EXTL2: variants seen among roughly 807,000 people sequenced by gnomAD.
EXTL2 encodes exostosin like glycosyltransferase 2, also known as exostosin-like 2.
Under a neutral mutation model 30.7 loss-of-function variants are expected in EXTL2, and 23 were observed. The observed-to-expected ratio is 0.75, with a 90% CI of 0.54 to 1.06. EXTL2 has a LOEUF of 1.06. Ranked by LOEUF, EXTL2 falls within the 50% of genes least tolerant of loss-of-function variation. The pLI, the probability that EXTL2 is intolerant of heterozygous loss-of-function variation, is 0.00. For missense variants in EXTL2, 352 were observed against 396.3 expected (o/e 0.89, Z 0.95); for synonymous variants, 123 against 133.8 (o/e 0.92, Z 0.56).
intron 2 of EXTL2, chr1:100,881,142 A>T (rs1649521540): frequency 1.6e-6 from 1 of 625,994 alleles, no homozygotes; most frequent in East Asian, 1.4e-4. Context: ...AAATAATGCA[A>T]CCCAATAAAA....
At chr1:100,894,251 C>T (rs1312149178) in intron 1 of EXTL2, among the ~76,000 whole-genome samples, 1 of 151,982 alleles carries the variant, frequency 6.6e-6, no homozygotes, top group Non-Finnish European at 1.5e-5. Flanking sequence ...ATCTAGTTTG[C>T]ACCCAATTAA....
At chr1:100,884,153 G>C (rs1423329425) in intron 2 of EXTL2, among the ~76,000 whole-genome samples, 1 of 152,160 alleles carries the variant, frequency 6.6e-6, no homozygotes, top group Non-Finnish European at 1.5e-5. Context: ...TGACTCATAA[G>C]GTAGAAAAGC....
Position 100,874,731 on chromosome 1 carries a change from A to G in EXTL2, c.505-301T>C, listed in dbSNP as rs192270703. 1.3e-3 allele frequency among the ~76,000 whole-genome samples: 202 copies of G among 152,186 alleles called. 1 individual carries two copies. The highest frequency in any genetic ancestry group is 4.7e-3 in the African/African-American group (197 of 41,556). On this transcript the variant is annotated intron_variant, in intron 4 of 4. Transcript: ENST00000370114. ...CAAATTCCAGTCACCAAAGAGTCCA[A>G]TCCTTCAAAATGTGCTGCGAGAAAA...
intron 2 of EXTL2, chr1:100,885,836 T>C (rs1462978925): frequency 6.6e-6 from 1 of 152,258 alleles, no homozygotes; most frequent in Non-Finnish European, 1.5e-5. Flanking sequence ...TCCAAAATGA[T>C]TTCCCCTCCC....
chr1:100,890,769 C>T (rs915700330), intron 1 of EXTL2, among the ~76,000 whole-genome samples: 2 of 152,224 alleles, frequency 1.3e-5, no homozygotes, highest in African/African-American at 4.8e-5. Context: ...TGGTCAAAAC[C>T]ATTCAACAAG....
At chr1:100,879,348 C>T (rs1363069491) in intron 2 of EXTL2, among the ~76,000 whole-genome samples, 1 of 152,158 alleles carries the variant, frequency 6.6e-6, no homozygotes, top group Admixed American at 6.6e-5. Flanking sequence ...CATTTCAGCA[C>T]ATCATGGATC....
intron 1 of EXTL2, among the ~76,000 whole-genome samples, chr1:100,894,060 G>A (rs895978397): frequency 2.6e-5 from 4 of 152,104 alleles, no homozygotes; most frequent in African/African-American, 9.7e-5. Flanking sequence ...TATTTTCAAA[G>A]GCAGAATACA....
At chr1:100,886,086 A>G (rs1649945284) in intron 2 of EXTL2, among the ~76,000 whole-genome samples, 1 of 152,224 alleles carries the variant, frequency 6.6e-6, no homozygotes, top group African/African-American at 2.4e-5. Flanking sequence ...GATGACTACA[A>G]TCTGGATCAA....
At chr1:100,883,600 A>G (rs1473644369) in intron 2 of EXTL2, among the ~76,000 whole-genome samples, 2 of 152,134 alleles carry the variant, frequency 1.3e-5, no homozygotes, top group Non-Finnish European at 2.9e-5. Flanking sequence ...TTTTGTTGCC[A>G]AGTAACATTC....
intron 2 of EXTL2, chr1:100,881,144 C>G (rs1570461611): frequency 6.5e-6 from 4 of 618,416 alleles, no homozygotes; most frequent in Middle Eastern, 8.2e-4. Context: ...ATAATGCAAC[C>G]CAATAAAATT....
chr1:100,894,393 T>C (rs1650696863), intron 1 of EXTL2, among the ~76,000 whole-genome samples: 1 of 152,202 alleles, frequency 6.6e-6, no homozygotes, highest in African/African-American at 2.4e-5. Context: ...AAATATACGC[T>C]AACAAAGGCA....
At chr1:100,890,171 G>T (rs561579466) in intron 1 of EXTL2, among the ~76,000 whole-genome samples, 2 of 152,316 alleles carry the variant, frequency 1.3e-5, no homozygotes, top group South Asian at 4.1e-4. Context: ...TGCACCCATA[G>T]GCTCAACACC....
At chr1:100,891,322 C>A (rs918907560) in intron 1 of EXTL2, among the ~76,000 whole-genome samples, 2 of 152,152 alleles carry the variant, frequency 1.3e-5, no homozygotes, top group Non-Finnish European at 2.9e-5. Flanking sequence ...TGTAAGCATG[C>A]AATGGGTTCA....
intron 1 of EXTL2, among the ~76,000 whole-genome samples, chr1:100,891,256 T>C (rs1168247245): frequency 6.6e-6 from 1 of 152,230 alleles, no homozygotes. Context: ...ATGCTTCTGG[T>C]TGTATAAAGG....
At chr1:100,886,638 C>T (rs1033384214) in intron 2 of EXTL2, among the ~76,000 whole-genome samples, 7 of 152,162 alleles carry the variant, frequency 4.6e-5, no homozygotes, top group Non-Finnish European at 8.8e-5. Context: ...TATCAATTAA[C>T]TAGAGTTTGC....
At position 100,873,909 on chromosome 1, in the gene EXTL2, C is replaced by A. The variant is rs1357005965; in HGVS notation, c.*33G>T. On this transcript the variant is annotated 3_prime_UTR_variant, in exon 5 of 5. Transcript: ENST00000370114. Reference sequence around the variant, plus strand: ...ATGGAGAAGCTACTCAAATGCCAAGCAGTTTTCAGGTTTGTTTTTGTTTGT... The same window carrying A: ...ATGGAGAAGCTACTCAAATGCCAAGAAGTTTTCAGGTTTGTTTTTGTTTGT... 3 of 1,522,178 alleles carry A rather than the reference C, an allele frequency of 2.0e-6. No individual in the cohort carries two copies. The allele number at this position is 1,522,178 out of a possible 1,614,324, so 94.3% of individuals were successfully genotyped here. A position where few individuals can be genotyped will look rare whatever the true frequency, so the allele number is the denominator to read the frequency against.
rs1650730100 is a variant in EXTL2, at chr1:100,894,615, T to C, written c.-72+18A>G. On this transcript the variant is annotated intron_variant, in intron 1 of 4. Transcript: ENST00000370114. ...AAGAAAAATACTAATACTGGAGCATTTTGCTGTGTCTCCTTACCTCGAGTG... is the reference window on the plus strand; with the variant it reads ...AAGAAAAATACTAATACTGGAGCATCTTGCTGTGTCTCCTTACCTCGAGTG... The C allele has an allele frequency of 6.6e-6, 1 of 152,186 alleles. No homozygotes were observed. The highest frequency in any genetic ancestry group is 1.5e-5 in the Non-Finnish European group (1 of 68,034). 9.4% of individuals were successfully genotyped at this position (152,186 alleles called of 1,614,324 possible).
At position 100,876,796 on chromosome 1, in the gene EXTL2, G is replaced by A. The variant is rs371082553; in HGVS notation, c.502C>T (p.Gln168Ter). Residue 168 changes from glutamine (Q) to a stop codon, truncating the protein, a stop_gained and splice_region_variant, in exon 4 of 5, where the codon CAG becomes TAG. Transcript: ENST00000370114. LOFTEE classifies it high-confidence loss of function. Reference protein sequence around the residue: ...PDLVFAFSVWQQFPDQIVGFV... With the variant: ...PDLVFAFSVW ...CATAAAAGAGACAGCAACATTACCT[G>A]CCAAACTGAGAAAGCAAAAACAAGG... The A allele has an allele frequency of 8.1e-6, 13 of 1,609,962 alleles. No homozygotes were observed. Among genetic ancestry groups the A allele is most frequent in the East Asian group, 2.2e-5 (1 of 44,782 alleles).
At chr1:100,881,732 TC>T (rs1367207628) in intron 2 of EXTL2, among the ~76,000 whole-genome samples, 2 of 152,260 alleles carry the variant, frequency 1.3e-5, no homozygotes, top group Non-Finnish European at 2.9e-5. Context: ...ATCCAAGATT[TC>T]CCCCAATGAT....
Sources: gnomAD v4.1 joint callset for allele counts (sites outside exome capture counted in the v4.1 genomes callset) on GRCh38, gnomAD v4.1.1 for gene constraint, MANE v1.5 for transcripts, NCBI Gene and HGNC (gene_info 2026-07-23, HGNC 2026-07-21) for gene names.